Variants in PSD3 observed in about 807,000 individuals in gnomAD.
PSD3 encodes pleckstrin and Sec7 domain containing 3, also known as PH and SEC7 domain-containing protein 3.
PSD3 carries 49 observed loss-of-function variants against 105.5 expected under a neutral mutation model. That is an observed-to-expected ratio of 0.46 (90% CI 0.37 to 0.59). PSD3 has a LOEUF of 0.59. Among genes scored for constraint, PSD3 ranks in the 20% least tolerant of loss-of-function variants. PSD3 has a pLI of 0.00. For synonymous variants in PSD3, 557 were observed against 457.8 expected (o/e 1.22, Z -2.77); for missense variants, 1,561 against 1,263.8 (o/e 1.24, Z -3.57).
chr8:18,799,271 TAA>T lies in PSD3; in HGVS notation c.2082+22_2082+23del, dbSNP rs745347056. 6.3e-6 allele frequency: 10 copies of T among 1,575,212 alleles called. No homozygotes were observed. In the African/African-American group the frequency reaches 1.2e-4, roughly 19 times the overall value. On this transcript the variant is annotated intron_variant, in intron 8 of 15. Coordinates refer to ENST00000327040, the MANE Select transcript of PSD3 (RefSeq NM_015310.4). ...AGATAAGCCCGACATGTTTTGGATC[TAA>T]GTTTCACAAATCCACACTTACGTGG...
intron 4 of PSD3, among the ~76,000 whole-genome samples, chr8:18,845,672 C>T (rs187463933): frequency 3.6e-4 from 55 of 152,162 alleles, no homozygotes; most frequent in Admixed American, 9.2e-4. Flanking sequence ...TGTGGTGGCT[C>T]GCACCTGTAA....
At chr8:18,947,739 C>G (rs1044339881) in intron 1 of PSD3, among the ~76,000 whole-genome samples, 1 of 152,148 alleles carries the variant, frequency 6.6e-6, no homozygotes, top group Non-Finnish European at 1.5e-5. Flanking sequence ...AAGATTCTAT[C>G]CCCCTTCTAG....
At chr8:18,966,524 T>C (rs1824255473) in intron 1 of PSD3, among the ~76,000 whole-genome samples, 1 of 150,334 alleles carries the variant, frequency 6.7e-6, no homozygotes, top group Non-Finnish European at 1.5e-5. Flanking sequence ...TGAGCTGAGA[T>C]TGCACCACTG....
chr8:19,027,610 G>C (rs1053203064), intron 1 of PSD3, among the ~76,000 whole-genome samples: 2 of 152,152 alleles, frequency 1.3e-5, no homozygotes, highest in African/African-American at 4.8e-5. Context: ...CATCCCTGTG[G>C]ATGCTGAGAT....
intron 9 of PSD3, among the ~76,000 whole-genome samples, chr8:18,656,118 C>A (rs1808874704): frequency 6.6e-6 from 1 of 152,176 alleles, no homozygotes; most frequent in South Asian, 2.1e-4. Flanking sequence ...AGTGCAACGG[C>A]ACAATCTTGG....
chr8:18,700,632 G>C (rs556269495), intron 9 of PSD3, among the ~76,000 whole-genome samples: 5 of 152,190 alleles, frequency 3.3e-5, no homozygotes, highest in Admixed American at 6.5e-5. Context: ...GCCAAGCCTC[G>C]AGACCTCTCA....
intron 11 of PSD3, among the ~76,000 whole-genome samples, chr8:18,604,647 G>A (rs962338049): frequency 1.4e-4 from 22 of 152,166 alleles, no homozygotes; most frequent in Non-Finnish European, 2.4e-4. Flanking sequence ...TGGGGACACG[G>A]CCTTGAAGGT....
chr8:18,914,629 A>G (rs1215993844), intron 2 of PSD3, among the ~76,000 whole-genome samples: 1 of 152,232 alleles, frequency 6.6e-6, no homozygotes, highest in African/African-American at 2.4e-5. Context: ...TACAAAAAGT[A>G]AAATACTTCA....
rs368650144 is a variant in PSD3, at chr8:19,068,037, A to G, written c.324+16169T>C. 9.7e-4 allele frequency among the ~76,000 whole-genome samples: 148 copies of G among 152,176 alleles called. 4 individuals carry two copies. In the South Asian group the frequency reaches 0.029, roughly 30 times the overall value. On this transcript the variant is annotated intron_variant, in intron 1 of 1. Coordinates refer to the PSD3 transcript ENST00000521475. ...GATTTTCCACAAGCCTGAAAGTTCAACCCAGCTCATCAGTTCACAGCTCAG... is the reference window on the plus strand; with the variant it reads ...GATTTTCCACAAGCCTGAAAGTTCAGCCCAGCTCATCAGTTCACAGCTCAG...
At chr8:18,633,968 G>A (rs912544735) in intron 10 of PSD3, among the ~76,000 whole-genome samples, 2 of 151,456 alleles carry the variant, frequency 1.3e-5, no homozygotes, top group African/African-American at 2.4e-5. Context: ...TCTGACTGGT[G>A]TCAGATGGTA....
chr8:18,584,154 G>C (rs746889538), intron 12 of PSD3, among the ~76,000 whole-genome samples: 12 of 152,218 alleles, frequency 7.9e-5, no homozygotes, highest in Non-Finnish European at 1.6e-4. Context: ...GAAGATACGA[G>C]ACATTTTCCA....
chr8:18,947,949 C>A (rs976023728), intron 1 of PSD3, among the ~76,000 whole-genome samples: 4 of 152,184 alleles, frequency 2.6e-5, no homozygotes, highest in African/African-American at 9.6e-5. Context: ...TTCACAACTC[C>A]TTCACTAACA....
At chr8:19,019,074 C>T (rs1009849224) in intron 1 of PSD3, among the ~76,000 whole-genome samples, 10 of 152,150 alleles carry the variant, frequency 6.6e-5, no homozygotes, top group Non-Finnish European at 1.0e-4. Context: ...GGATTACAAG[C>T]GTGAGCCACT....
chr8:19,052,622 G>A (rs2046349965), intron 1 of PSD3, among the ~76,000 whole-genome samples: 1 of 152,194 alleles, frequency 6.6e-6, no homozygotes, highest in Admixed American at 6.5e-5. Flanking sequence ...TTGAGGAATG[G>A]GGTGGAGGCT....
At chr8:18,856,972 C>T (rs796917492) in intron 4 of PSD3, among the ~76,000 whole-genome samples, 30 of 152,294 alleles carry the variant, frequency 2.0e-4, no homozygotes, top group African/African-American at 6.7e-4. Context: ...CAAAGCACTC[C>T]GACTTAAGAA....
chr8:18,839,660 G>T (rs1024016958), intron 4 of PSD3, among the ~76,000 whole-genome samples: 1 of 152,158 alleles, frequency 6.6e-6, no homozygotes, highest in Non-Finnish European at 1.5e-5. Context: ...TGCAGCTCCA[G>T]TAGTTATAGA....
intron 2 of PSD3, among the ~76,000 whole-genome samples, chr8:18,889,687 T>A (rs904360544): frequency 6.6e-6 from 1 of 152,226 alleles, no homozygotes; most frequent in African/African-American, 2.4e-5. Context: ...CCGTGCAATG[T>A]ACTGAGCCTC....
At chr8:18,828,788 C>G (rs1445088597) in intron 4 of PSD3, among the ~76,000 whole-genome samples, 3 of 152,074 alleles carry the variant, frequency 2.0e-5, no homozygotes, top group Admixed American at 2.0e-4. Flanking sequence ...TGGCAAAACC[C>G]TGTCTCTATT....
intron 1 of PSD3, among the ~76,000 whole-genome samples, chr8:19,047,554 T>C (rs1828365884): frequency 6.6e-6 from 1 of 152,070 alleles, no homozygotes; most frequent in South Asian, 2.1e-4. Flanking sequence ...AAGAGGGAGC[T>C]ATAGAGTTTG....
Sources: allele counts gnomAD v4.1 joint callset (sites outside exome capture counted in the v4.1 genomes callset), GRCh38; gene constraint gnomAD v4.1.1; transcripts MANE v1.5; gene names NCBI Gene and HGNC (gene_info 2026-07-23, HGNC 2026-07-21).